ELMO1: variants seen among roughly 807,000 people sequenced by gnomAD.
ELMO1 encodes engulfment and cell motility protein 1.
ELMO1 carries 26 observed loss-of-function variants against 98.9 expected under a neutral mutation model. That is an observed-to-expected ratio of 0.26 (90% CI 0.19 to 0.36). The LOEUF (loss-of-function observed/expected upper bound fraction) is 0.36. Among genes scored for constraint, ELMO1 ranks in the 10% least tolerant of loss-of-function variants. The probability of loss-of-function intolerance (pLI) is 1.00; values close to 1 mark genes in which losing one functional copy is unlikely to be tolerated. For missense variants in ELMO1, 627 were observed against 935.2 expected (o/e 0.67, Z 4.30); for synonymous variants, 346 against 346.0 (o/e 1.00, Z 0.00).
intron 1 of ELMO1, among the ~76,000 whole-genome samples, chr7:37,433,611 G>T (rs1005610215): frequency 2.0e-5 from 3 of 151,950 alleles, no homozygotes; most frequent in African/African-American, 7.3e-5. Context: ...GGAATTCTGG[G>T]GTCTTATGCT....
chr7:37,030,196 A>G (rs1794801271), intron 15 of ELMO1, among the ~76,000 whole-genome samples: 1 of 152,222 alleles, frequency 6.6e-6, no homozygotes, highest in Non-Finnish European at 1.5e-5. Context: ...ACTAAACATA[A>G]GATGCTTTTA....
Position 36,871,556 on chromosome 7 carries a change from C to G in ELMO1, c.1823-1081G>C, listed in dbSNP as rs1181304111. 2.6e-5 allele frequency among the ~76,000 whole-genome samples: 4 copies of G among 152,230 alleles called. No homozygotes were observed. In the East Asian group the frequency reaches 7.7e-4, roughly 29 times the overall value. ...ATGCACGCTGGCTAGTGTGGCTTTA[C>G]CAAGAATTTGGGATGTGTGAGAATG... On this transcript the variant is annotated intron_variant, in intron 19 of 21. Transcript: ENST00000310758.
chr7:36,990,809 T>A (rs1044243323), intron 16 of ELMO1, among the ~76,000 whole-genome samples: 1 of 152,156 alleles, frequency 6.6e-6, no homozygotes, highest in African/African-American at 2.4e-5. Flanking sequence ...TATTTTTGAA[T>A]AAAAAATATG....
At chr7:37,396,384 A>G (rs543862008) in intron 1 of ELMO1, among the ~76,000 whole-genome samples, 2 of 152,304 alleles carry the variant, frequency 1.3e-5, no homozygotes, top group African/African-American at 4.8e-5. Flanking sequence ...CTCCGTCTCT[A>G]CAAAACAAAA....
intron 1 of ELMO1, among the ~76,000 whole-genome samples, chr7:37,390,671 C>T (rs538428233): frequency 6.6e-6 from 1 of 152,296 alleles, no homozygotes; most frequent in East Asian, 1.9e-4. Context: ...AGACTAATGT[C>T]AGAGTTCATA....
chr7:37,126,300 A>AATATATATAT (rs201860679), intron 14 of ELMO1, among the ~76,000 whole-genome samples: 1,678 of 133,952 alleles, frequency 0.013, 14 homozygotes, highest in East Asian at 0.032. Context: ...GTATAATTTA[A>AATATATATAT]ATATATATAT....
chr7:37,140,555 C>T (rs779320218), intron 13 of ELMO1, among the ~76,000 whole-genome samples: 83 of 152,118 alleles, frequency 5.5e-4, no homozygotes, highest in Non-Finnish European at 1.0e-3. Flanking sequence ...AACTAAAAAG[C>T]TTCTGCACAG....
At chr7:37,182,534 G>A (rs902429484) in intron 13 of ELMO1, among the ~76,000 whole-genome samples, 1 of 135,462 alleles carries the variant, frequency 7.4e-6, no homozygotes, top group Non-Finnish European at 1.5e-5. Context: ...GCAATGGCAC[G>A]ATCGGTCTCG....
At chr7:37,179,567 G>A (rs183443421) in intron 13 of ELMO1, among the ~76,000 whole-genome samples, 33 of 152,214 alleles carry the variant, frequency 2.2e-4, no homozygotes, top group African/African-American at 6.3e-4. Context: ...GTGAGCCACC[G>A]AGCCCGGCCT....
At chr7:36,915,974 A>G (rs947818654) in intron 16 of ELMO1, among the ~76,000 whole-genome samples, 3 of 152,250 alleles carry the variant, frequency 2.0e-5, no homozygotes, top group Non-Finnish European at 2.9e-5. Flanking sequence ...TGGAAAGAAC[A>G]GACAGTGGTA....
At chr7:36,959,821 C>CT (rs1788792652) in intron 16 of ELMO1, among the ~76,000 whole-genome samples, 1 of 152,198 alleles carries the variant, frequency 6.6e-6, no homozygotes, top group East Asian at 1.9e-4. Flanking sequence ...GCTGGGATTA[C>CT]AGGCACGTGT....
At chr7:36,864,351 A>G (rs549028742) in intron 20 of ELMO1, among the ~76,000 whole-genome samples, 13 of 152,308 alleles carry the variant, frequency 8.5e-5, no homozygotes, top group African/African-American at 3.1e-4. Flanking sequence ...AATGATCAGA[A>G]CTGTCATGAC....
chr7:37,112,942 T>G (rs1213111206), intron 14 of ELMO1, among the ~76,000 whole-genome samples: 1 of 152,222 alleles, frequency 6.6e-6, no homozygotes, highest in Non-Finnish European at 1.5e-5. Flanking sequence ...GTAGGCAGGT[T>G]GCTAATACTG....
chr7:36,913,307 G>A (rs1191919190), intron 16 of ELMO1, among the ~76,000 whole-genome samples: 1 of 152,178 alleles, frequency 6.6e-6, no homozygotes, highest in Non-Finnish European at 1.5e-5. Context: ...AAAGGCTATT[G>A]TATTAGAGGA....
At chr7:36,918,314 C>G (rs968310159) in intron 16 of ELMO1, among the ~76,000 whole-genome samples, 1 of 152,278 alleles carries the variant, frequency 6.6e-6, no homozygotes, top group East Asian at 1.9e-4. Context: ...AGGAGGTGCT[C>G]AACACCTATT....
At chr7:36,934,844 C>A (rs144653772) in intron 16 of ELMO1, among the ~76,000 whole-genome samples, 5 of 152,240 alleles carry the variant, frequency 3.3e-5, no homozygotes, top group African/African-American at 1.2e-4. Context: ...AGCCAATGAC[C>A]CAGGTTGTCC....
At chr7:37,027,675 A>G (rs1215032652) in intron 15 of ELMO1, among the ~76,000 whole-genome samples, 24 of 152,190 alleles carry the variant, frequency 1.6e-4, no homozygotes, top group Non-Finnish European at 8.8e-5. Context: ...GGCAAGGACC[A>G]TAGCTCTTTG....
intron 15 of ELMO1, among the ~76,000 whole-genome samples, chr7:37,077,424 G>T (rs562035082): frequency 1.3e-5 from 2 of 152,190 alleles, no homozygotes; most frequent in Non-Finnish European, 2.9e-5. Context: ...TTTCTGGGGC[G>T]TGGTGGTGTT....
At chr7:37,085,467 G>T (rs975882249) in intron 15 of ELMO1, among the ~76,000 whole-genome samples, 2 of 152,090 alleles carry the variant, frequency 1.3e-5, no homozygotes, top group Non-Finnish European at 2.9e-5. Flanking sequence ...ATTTTAGTGA[G>T]GTTAGTTTAT....
Sources: gnomAD v4.1 joint callset for allele counts (sites outside exome capture counted in the v4.1 genomes callset) on GRCh38, gnomAD v4.1.1 for gene constraint, MANE v1.5 for transcripts, NCBI Gene and HGNC (gene_info 2026-07-23, HGNC 2026-07-21) for gene names.